The following COL6A2 variants were observed in gnomAD, a reference collection of about 807,000 sequenced individuals.
COL6A2 encodes collagen alpha-2(VI) chain.
COL6A2 carries 90 observed loss-of-function variants against 124.9 expected under a neutral mutation model. That is an observed-to-expected ratio of 0.72 (90% CI 0.61 to 0.86). The LOEUF is 0.86. COL6A2 is among the 40% of genes least tolerant of loss of function. The probability of loss-of-function intolerance (pLI) is 0.00; values close to 1 mark genes in which losing one functional copy is unlikely to be tolerated. For synonymous variants in COL6A2, 793 were observed against 618.2 expected (o/e 1.28, Z -4.19); for missense variants, 1,607 against 1,502.5 (o/e 1.07, Z -1.15).
At chr21:46,127,105 G>A (rs868320474) in intron 27 of COL6A2, among the ~76,000 whole-genome samples, 7 of 152,156 alleles carry the variant, frequency 4.6e-5, no homozygotes, top group African/African-American at 1.7e-4. Flanking sequence ...TCTGCTGGAC[G>A]TGGTGCTGCC....
At chr21:46,120,381 C>T in intron 15 of COL6A2, 134 bp from the exon 16 acceptor site, 2 of 690,210 alleles carry the variant, frequency 2.9e-6, no homozygotes, top group Non-Finnish European at 2.5e-6. Context: ...GCGACTGTTG[C>T]AGGTCCCCCG....
At position 46,125,257 on chromosome 21, in the gene COL6A2, G is replaced by A. The variant is rs886042686; in HGVS notation, c.1771-9G>A. On this transcript the variant is annotated splice_polypyrimidine_tract_variant and intron_variant, in intron 23 of 27. Transcript: ENST00000300527. ...GGGGGGACTACCCTGCCTGCCGTGTGCATTGCAGGAGTGTGACGTCATGAC... is the reference window on the plus strand; with the variant it reads ...GGGGGGACTACCCTGCCTGCCGTGTACATTGCAGGAGTGTGACGTCATGAC... The A allele has an allele frequency of 5.6e-6, 9 of 1,611,734 alleles. No individual in the cohort carries two copies. The highest frequency in any genetic ancestry group is 7.6e-6 in the Non-Finnish European group (9 of 1,179,190).
Position 46,126,093 on chromosome 21 carries a change from G to A in COL6A2, c.2278G>A (p.Gly760Arg), listed in dbSNP as rs199913294. 52 of 1,612,848 alleles carry A rather than the reference G, an allele frequency of 3.2e-5. No individual in the cohort carries two copies. The highest frequency in any genetic ancestry group is 1.6e-4 in the East Asian group (7 of 44,872). The part of the protein sequence containing the change: ...RDVTVTAIGI[G>R]DMFHEKHESE... ...CGTCACAGTGACGGCCATCGGCATC[G>A]GGGACATGTTCCACGAGAAGCACGA... Residue 760 changes from glycine (G) to arginine (R), a missense_variant, in exon 26 of 28, where the codon GGG (glycine) becomes AGG (arginine). Transcript: ENST00000300527.
In COL6A2 at chr21:46,132,096, G is replaced by A; in HGVS notation, c.2604G>A (p.Arg868=). 1.3e-6 allele frequency: 2 copies of A among 1,595,790 alleles called. No homozygotes were observed. ...QVARRLTLAR[R]DDDPLNARVA... The stretch of plus-strand genomic sequence containing the variant: ...CGCGGCGGCTGACGCTGGCCCGGAG[G>A]GACGACGACCCTCTCAACGCACGCG... The change falls in exon 28 of 28, where the codon AGG becomes AGA. Residue 868 remains arginine, a synonymous_variant. Coordinates refer to ENST00000300527, the MANE Select transcript of COL6A2 (RefSeq NM_001849.4).
intron 1 of COL6A2, among the ~76,000 whole-genome samples, chr21:46,099,867 C>G (rs1466190835): frequency 7.0e-6 from 1 of 143,382 alleles, no homozygotes; most frequent in Admixed American, 7.3e-5. Context: ...GAACCTGTCT[C>G]CACAATGGAT....
intron 23 of COL6A2, 67 bp downstream of exon 23, chr21:46,124,987 G>A: frequency 2.5e-6 from 4 of 1,578,454 alleles, no homozygotes; most frequent in Non-Finnish European, 1.7e-6. Flanking sequence ...GAGCAGCAGG[G>A]GTGGGGGAAG....
Position 46,116,926 on chromosome 21 carries a change from T to TACAC in COL6A2, c.999+139_999+142dup, listed in dbSNP as rs59060956. ...CAGCTTACACATGTGTACACACGCA[T>TACAC]ACACACACACACACACACACACACA... On this transcript the variant is annotated intron_variant, in intron 10 of 27. Coordinates refer to ENST00000300527, the MANE Select transcript of COL6A2 (RefSeq NM_001849.4). The surrounding 1 kb of genome is among the most constrained non-coding windows in gnomAD (Gnocchi z 4.6). The TACAC allele has an allele frequency of 0.33, 211,489 of 632,414 alleles. 13,326 individuals are homozygous for TACAC. The highest frequency in any genetic ancestry group is 0.36 in the Non-Finnish European group (127,619 of 359,372). The allele number at this position is 632,414 out of a possible 1,614,324, so 39.2% of individuals were successfully genotyped here. A position where few individuals can be genotyped will look rare whatever the true frequency, so the allele number is the denominator to read the frequency against.
At chr21:46,120,000 G>A in intron 15 of COL6A2, 150 bp downstream of exon 15, 1 of 752,894 alleles carries the variant, frequency 1.3e-6, no homozygotes. Flanking sequence ...TGGGAATGCA[G>A]CCCTGAGATC....
At position 46,132,545 on chromosome 21, in the gene COL6A2, T is replaced by C. The variant is rs1427427775; in HGVS notation, c.3053T>C (p.Ile1018Thr). 2.5e-6 allele frequency: 4 copies of C among 1,600,702 alleles called. No individual in the cohort carries two copies. Among genetic ancestry groups the C allele is most frequent in the East Asian group, 2.2e-5 (1 of 44,686 alleles). Residue 1018 changes from isoleucine (I) to threonine (T), a missense_variant, in exon 28 of 28, where the codon ATC becomes ACC. Ile to Thr is a moderately conservative substitution (Grantham distance 89, BLOSUM62 -1). This residue lies in a region of COL6A2 where 1,223 missense variants were observed against 1,052.2 expected (regional missense o/e 1.16). Transcript: ENST00000300527. ...TTCTTCGACCGCTTCATCCGCTGGA[T>C]CTGCTAGCGCCGCCGCCCGGGCCCC... ...PGFFDRFIRW[I>T]C
rs76792155 is a variant in COL6A2 at position 46,122,822 on chromosome 21, C to T, written c.1609-53C>T. 1,238 of 1,539,712 alleles carry T rather than the reference C, an allele frequency of 8.0e-4. 13 individuals are homozygous for T. In the East Asian group the frequency reaches 0.025, roughly 32 times the overall value. On this transcript the variant is annotated intron_variant, in intron 20 of 27. Coordinates refer to ENST00000300527, the MANE Select transcript of COL6A2 (RefSeq NM_001849.4). ...TTCCACATAAAAATCTCACTGGTGT[C>T]CCTGGTAGAGACAGCTCCTCTGTCC... is the stretch of plus-strand genomic sequence containing the variant.
chr21:46,132,795 A>G lies in COL6A2; in HGVS notation c.*243A>G. On this transcript the variant is annotated 3_prime_UTR_variant, in exon 28 of 28. Coordinates refer to ENST00000300527, the MANE Select transcript of COL6A2 (RefSeq NM_001849.4). Reference sequence around the variant, plus strand: ...GCAGCCATCCCAAGGCTCCTGACCTACCTGGCCCCTGAGCTCTGGAGCAAG... The same window carrying G: ...GCAGCCATCCCAAGGCTCCTGACCTGCCTGGCCCCTGAGCTCTGGAGCAAG... 1.7e-6 allele frequency: 1 copy of G among 580,910 alleles called. No homozygotes were observed. Among genetic ancestry groups the G allele is most frequent in the Admixed American group, 3.0e-5 (1 of 33,180 alleles). 36.0% of individuals were successfully genotyped at this position (580,910 alleles called of 1,614,324 possible). A position where few individuals can be genotyped will look rare whatever the true frequency, so the allele number is the denominator to read the frequency against.
chr21:46,129,539 C>T, intron 27 of COL6A2: 1 of 1,502,564 alleles, frequency 6.7e-7, no homozygotes, highest in Non-Finnish European at 8.8e-7. Flanking sequence ...GCCACACTAG[C>T]TTCCCAGGGC....
rs978324221 is a variant in COL6A2 at position 46,119,223 on chromosome 21, C to G, written c.1269+104C>G. On this transcript the variant is annotated intron_variant, in intron 14 of 27. Coordinates refer to ENST00000300527, the MANE Select transcript of COL6A2 (RefSeq NM_001849.4). The stretch of plus-strand genomic sequence containing the variant: ...GCACCTGGGCTGTAGGCAGGATCCC[C>G]TGCTGGCAAGGCACAGCCAGGCCCC... 3.3e-6 allele frequency: 3 copies of G among 912,822 alleles called. No individual in the cohort carries two copies. In the African/African-American group the frequency reaches 4.9e-5, roughly 15 times the overall value. 56.5% of individuals were successfully genotyped at this position (912,822 alleles called of 1,614,324 possible).
intron 27 of COL6A2, chr21:46,129,063 T>C: frequency 1.9e-6 from 3 of 1,599,742 alleles, no homozygotes; most frequent in Non-Finnish European, 2.5e-6. Flanking sequence ...CCGCTCCACC[T>C]GCATTTCCTC....
rs188447541 is a variant in COL6A2 at position 46,099,316 on chromosome 21, C to T, written c.-28+1143C>T. Among the ~76,000 whole-genome samples the T allele has an allele frequency of 8.9e-4, 135 of 152,034 alleles. 1 individual carries two copies. Among genetic ancestry groups the T allele is most frequent in the African/African-American group, 2.9e-3 (122 of 41,490 alleles). On this transcript the variant is annotated intron_variant, in intron 1 of 27. Transcript: ENST00000300527. ...AAAATACAAAAAAAAATTAGCCGGG[C>T]GTGGTGGCAGGCACCTGTAATCCCA...
At chr21:46,118,802 G>T (rs570589530) in intron 13 of COL6A2, 126 bp downstream of exon 13, 18 of 1,220,360 alleles carry the variant, frequency 1.5e-5, no homozygotes, top group Non-Finnish European at 2.1e-5. Context: ...CTGGGGACAC[G>T]GGGAGGGACA....
chr21:46,112,738 A>C (rs1601219607), intron 3 of COL6A2, 66 bp from the exon 4 acceptor site: 1 of 1,611,168 alleles, frequency 6.2e-7, no homozygotes. Flanking sequence ...CCCCACCCAG[A>C]CTCGAGGTGC....
intron 1 of COL6A2, among the ~76,000 whole-genome samples, chr21:46,110,880 AG>A (rs1218596453): frequency 2.0e-5 from 3 of 152,322 alleles, no homozygotes; most frequent in African/African-American, 7.2e-5. Flanking sequence ...TGTTTGCCCC[AG>A]GGTCCTGGCA....
rs1172190604 is a variant in COL6A2 at position 46,124,669 on chromosome 21, G to A, written c.1690G>A (p.Gly564Ser). 6.2e-6 allele frequency: 10 copies of A among 1,612,940 alleles called. No homozygotes were observed. The highest frequency in any genetic ancestry group is 1.1e-5 in the South Asian group (1 of 91,084). Residue 564 changes from glycine (G) to serine (S), a missense_variant, in exon 22 of 28, where the codon GGT (glycine) becomes AGT (serine). By Grantham distance (56) the Gly-to-Ser change is moderately conservative (BLOSUM62 0). Transcript: ENST00000300527. ...KGEPADPGPP[G>S]EPGPRGPRGV... ...TTCTCAGGCGGATCCTGGTCCCCCT[G>A]GTGAGCCAGGCCCTCGGGGGCCAAG...
Sources: gnomAD v4.1 joint callset for allele counts (sites outside exome capture counted in the v4.1 genomes callset) on GRCh38, gnomAD v4.1.1 for gene constraint, gnomAD v4.1.1 regional missense constraint, Gnocchi (gnomAD v3.1) non-coding constraint, MANE v1.5 for transcripts, NCBI Gene and HGNC (gene_info 2026-07-23, HGNC 2026-07-21) for gene names.